Variants in ZNF608 observed in about 807,000 individuals in gnomAD.
ZNF608 encodes the protein zinc finger protein 608, also known as renal carcinoma antigen NY-REN-36.
A neutral mutation model predicts 109.0 loss-of-function variants in ZNF608; 12 were observed. That is an observed-to-expected ratio of 0.11 (90% CI 0.07 to 0.18). ZNF608 has a LOEUF of 0.18. ZNF608 is among the 10% of genes least tolerant of loss of function. ZNF608 has a pLI of 1.00. For synonymous variants in ZNF608, 732 were observed against 717.4 expected, an observed-to-expected ratio of 1.02 and a Z score of -0.33; for missense variants, 1,707 against 1,879.3, an observed-to-expected ratio of 0.91 and a Z score of 1.70.
chr5:124,676,231 G>A (rs935105146), intron 3 of ZNF608, among the ~76,000 whole-genome samples: 1 of 152,140 alleles, frequency 6.6e-6, no homozygotes, highest in African/African-American at 2.4e-5. Flanking sequence ...CCATCTGAGG[G>A]GCGAGTGCAA....
intron 2 of ZNF608, among the ~76,000 whole-genome samples, chr5:124,726,614 C>A (rs1305998775): frequency 1.3e-5 from 2 of 150,466 alleles, no homozygotes; most frequent in Non-Finnish European, 2.9e-5. Context: ...CCTCTTCTTG[C>A]CTCTCTACAG....
intron 3 of ZNF608, among the ~76,000 whole-genome samples, chr5:124,689,367 G>GCTT (rs1213601517): frequency 3.3e-5 from 5 of 151,892 alleles, no homozygotes; most frequent in African/African-American, 9.7e-5. Flanking sequence ...AGGGAGTATA[G>GCTT]CTTCAGTCAA....
rs1751986016 is a variant in ZNF608 at position 124,677,338 on chromosome 5, T to C, written c.1162+23676A>G. Among the ~76,000 whole-genome samples, 3 of 152,214 alleles carry C rather than the reference T, an allele frequency of 2.0e-5. No homozygotes were observed. The South Asian group carries it at 6.2e-4, about 31-fold the overall frequency. ...AAAGTAAATTGTGAATGAAAACAGTTTTTCCCTGAGGAGCCATGGGAAACT... is the reference window on the plus strand; with the variant it reads ...AAAGTAAATTGTGAATGAAAACAGTCTTTCCCTGAGGAGCCATGGGAAACT... On this transcript the variant is annotated intron_variant, in intron 3 of 9. Coordinates refer to ENST00000513986, the MANE Select transcript of ZNF608 (RefSeq NM_020747.3).
chr5:124,696,469 T>C (rs998153516), intron 3 of ZNF608, among the ~76,000 whole-genome samples: 1 of 152,196 alleles, frequency 6.6e-6, no homozygotes, highest in Non-Finnish European at 1.5e-5. Context: ...CTTTCCTTAA[T>C]ACTATGGGGT....
intron 3 of ZNF608, among the ~76,000 whole-genome samples, chr5:124,668,183 T>C (rs1751559266): frequency 7.3e-6 from 1 of 136,996 alleles, no homozygotes; most frequent in Non-Finnish European, 1.5e-5. Context: ...GGAGACCTTC[T>C]CTATGCTTAA....
chr5:124,681,117 G>A (rs1189568930), intron 3 of ZNF608, among the ~76,000 whole-genome samples: 1 of 152,140 alleles, frequency 6.6e-6, no homozygotes, highest in African/African-American at 2.4e-5. Context: ...TGCAGGACTT[G>A]AGTTTTCAAC....
At position 124,644,389 on chromosome 5, in the gene ZNF608, C is replaced by T; in HGVS notation, c.3978G>A (p.Arg1326=). The change falls in exon 6 of 10, where the codon CGG becomes CGA. Residue 1326 remains arginine, a synonymous_variant. Coordinates refer to ENST00000513986, the MANE Select transcript of ZNF608 (RefSeq NM_020747.3). ...GTGAGGAGACAGCCACTCTTGTTCC[C>T]CGAGAGTCCTTCCAGTTCACAGGAG... ...RKTPVNWKDS[R]GTRVAVSSPM... is the part of the protein sequence containing the mutation. The T allele has an allele frequency of 6.2e-7, 1 of 1,614,106 alleles. No homozygotes were observed. The highest frequency in any genetic ancestry group is 2.2e-5 in the East Asian group (1 of 44,878).
At chr5:124,642,692 CTTTTTTTTTTTTT>C (rs755561532) in intron 7 of ZNF608, among the ~76,000 whole-genome samples, 2 of 95,292 alleles carry the variant, frequency 2.1e-5, no homozygotes, top group Non-Finnish European at 3.9e-5. Flanking sequence ...TTTCTATTGT[CTTTTTTTTTTTTT>C]TTTTTTTTTT....
intron 2 of ZNF608, among the ~76,000 whole-genome samples, chr5:124,742,274 G>C (rs555769217): frequency 6.6e-6 from 1 of 152,176 alleles, no homozygotes; most frequent in Admixed American, 6.5e-5. Flanking sequence ...GAAATGTTCC[G>C]ATTGCCAGCT....
At chr5:124,713,165 C>T (rs576932397) in intron 2 of ZNF608, among the ~76,000 whole-genome samples, 1 of 152,350 alleles carries the variant, frequency 6.6e-6, no homozygotes, top group African/African-American at 2.4e-5. Flanking sequence ...TTCTCTCTTA[C>T]TACTCTTCTA....
chr5:124,741,218 G>A (rs1030439497), intron 2 of ZNF608, among the ~76,000 whole-genome samples: 4 of 152,060 alleles, frequency 2.6e-5, no homozygotes, highest in Admixed American at 6.5e-5. Context: ...ACATAAAGGA[G>A]TAGAACACTC....
At chr5:124,702,602 G>C (rs979913850) in intron 2 of ZNF608, among the ~76,000 whole-genome samples, 1 of 151,974 alleles carries the variant, frequency 6.6e-6, no homozygotes, top group Non-Finnish European at 1.5e-5. Context: ...ATCTGTGTGG[G>C]CTCCTTGTTC....
chr5:124,698,061 C>T (rs983340773), intron 3 of ZNF608, among the ~76,000 whole-genome samples: 4 of 152,178 alleles, frequency 2.6e-5, no homozygotes, highest in Non-Finnish European at 5.9e-5. Context: ...TTTATAAATG[C>T]TCAACTTGAA....
chr5:124,687,126 C>CA (rs1752439318), intron 3 of ZNF608, among the ~76,000 whole-genome samples: 1 of 152,166 alleles, frequency 6.6e-6, no homozygotes, highest in African/African-American at 2.4e-5. Context: ...TATTCATACA[C>CA]ACGTAAACAG....
intron 2 of ZNF608, among the ~76,000 whole-genome samples, chr5:124,730,986 C>T (rs564296180): frequency 6.6e-6 from 1 of 152,298 alleles, no homozygotes; most frequent in South Asian, 2.1e-4. Context: ...TTCAAGATTG[C>T]AAAGCTTCTA....
At chr5:124,710,079 A>C in intron 2 of ZNF608, 1 of 346,522 alleles carries the variant, frequency 2.9e-6, no homozygotes, top group South Asian at 2.3e-5. Flanking sequence ...CATGTATCTT[A>C]GTTGATATTG....
At chr5:124,684,196 C>T (rs1008890496) in intron 3 of ZNF608, among the ~76,000 whole-genome samples, 1 of 152,210 alleles carries the variant, frequency 6.6e-6, no homozygotes, top group Non-Finnish European at 1.5e-5. Context: ...TGAAACGATG[C>T]TGGCATGAAG....
At chr5:124,661,983 C>A (rs1751282682) in intron 3 of ZNF608, among the ~76,000 whole-genome samples, 1 of 152,186 alleles carries the variant, frequency 6.6e-6, no homozygotes, top group Non-Finnish European at 1.5e-5. Context: ...CCCATGGACA[C>A]TTAATAGTTT....
chr5:124,726,684 A>G (rs1754152069), intron 2 of ZNF608, among the ~76,000 whole-genome samples: 1 of 134,942 alleles, frequency 7.4e-6, no homozygotes, highest in Non-Finnish European at 1.6e-5. Flanking sequence ...AAAAAAAAAA[A>G]GTCACTGCCT....
Sources: gnomAD v4.1 joint callset for allele counts (sites outside exome capture counted in the v4.1 genomes callset) on GRCh38, gnomAD v4.1.1 for gene constraint, MANE v1.5 for transcripts, NCBI Gene and HGNC (gene_info 2026-07-23, HGNC 2026-07-21) for gene names.